Variants in KANSL1L observed in about 807,000 individuals in gnomAD.
KANSL1L encodes the protein KAT8 regulatory NSL complex subunit 1 like.
KANSL1L carries 25 observed loss-of-function variants against 108.6 expected under a neutral mutation model. The observed-to-expected ratio is 0.23, with a 90% CI of 0.17 to 0.32. The LOEUF (loss-of-function observed/expected upper bound fraction) is 0.32, where lower values mean the gene tolerates loss of function less well. KANSL1L is among the 10% of genes least tolerant of loss of function. KANSL1L has a pLI of 1.00. For missense variants in KANSL1L, 1,137 were observed against 1,125.7 expected (o/e 1.01, Z -0.14); for synonymous variants, 405 against 395.1 (o/e 1.03, Z -0.30).
At position 210,022,664 on chromosome 2, in the gene KANSL1L, C is replaced by A; in HGVS notation, c.*285G>T. 1 of 361,592 alleles carries A rather than the reference C, an allele frequency of 2.8e-6. No homozygotes were observed. The highest frequency in any genetic ancestry group is 5.1e-6 in the Non-Finnish European group (1 of 194,566). The allele number at this position is 361,592 out of a possible 1,614,324, so 22.4% of individuals were successfully genotyped here. On this transcript the variant is annotated 3_prime_UTR_variant, in exon 15 of 15. Transcript: ENST00000281772. ...GTGGGTACATAGTCTTAAAAATTAC[C>A]CAGTAATGTGATTTGACATCAAGTT...
intron 2 of KANSL1L, among the ~76,000 whole-genome samples, chr2:210,144,524 G>T (rs1268198337): frequency 1.3e-5 from 2 of 151,950 alleles, no homozygotes; most frequent in Non-Finnish European, 2.9e-5. Flanking sequence ...TCTCTGACTG[G>T]ATATTTTCAA....
At chr2:210,058,293 A>G (rs2539011) in intron 6 of KANSL1L, among the ~76,000 whole-genome samples, 149,468 of 152,148 alleles carry the variant, frequency 0.98, 73,479 homozygotes, top group Middle Eastern at 1. Flanking sequence ...GGAAATTCCC[A>G]CCTAATAAAT....
intron 5 of KANSL1L, among the ~76,000 whole-genome samples, chr2:210,084,894 GC>G (rs1273669070): frequency 2.0e-5 from 3 of 152,146 alleles, no homozygotes; most frequent in African/African-American, 7.2e-5. Flanking sequence ...ACAGGCATAA[GC>G]CACCATGCCC....
At chr2:210,109,705 T>C (rs1433740649) in intron 3 of KANSL1L, among the ~76,000 whole-genome samples, 1 of 152,140 alleles carries the variant, frequency 6.6e-6, no homozygotes, top group African/African-American at 2.4e-5. Context: ...CCCTAATTTG[T>C]GCTTCCTATT....
chr2:210,029,203 A>C (rs1559497639), intron 10 of KANSL1L: 3 of 375,484 alleles, frequency 8.0e-6, no homozygotes, highest in Non-Finnish European at 1.4e-5. Context: ...GTGTGCAAGC[A>C]TACAAGCTTA....
intron 6 of KANSL1L, among the ~76,000 whole-genome samples, chr2:210,048,906 CA>C (rs976176905): frequency 6.6e-6 from 1 of 152,100 alleles, no homozygotes; most frequent in Non-Finnish European, 1.5e-5. Flanking sequence ...AAAACAAAAA[CA>C]AAAACACTTG....
intron 6 of KANSL1L, among the ~76,000 whole-genome samples, chr2:210,061,833 A>G (rs2094423171): frequency 6.6e-6 from 1 of 152,252 alleles, no homozygotes; most frequent in East Asian, 1.9e-4. Context: ...AGAAAGAAAC[A>G]GTCTGAAAAA....
rs563654327 is a variant in KANSL1L at position 210,123,202 on chromosome 2, T to C, written c.1230+5829A>G. On this transcript the variant is annotated intron_variant, in intron 3 of 14. Transcript: ENST00000281772. ...CCTAGGCATATACCCAAAGAAAGGA[T>C]ATCAGTATATTGAACAGGTATCTGC... 7.9e-5 allele frequency among the ~76,000 whole-genome samples: 12 copies of C among 152,256 alleles called. No individual in the cohort carries two copies. In the South Asian group the frequency reaches 2.3e-3, roughly 29 times the overall value.
At chr2:210,134,096 C>A (rs534503968) in intron 2 of KANSL1L, among the ~76,000 whole-genome samples, 3 of 152,184 alleles carry the variant, frequency 2.0e-5, no homozygotes, top group African/African-American at 7.2e-5. Flanking sequence ...ATATATCATT[C>A]CATTTTTCTG....
chr2:210,093,754 AGGG>A (rs2094712535), intron 5 of KANSL1L, among the ~76,000 whole-genome samples: 1 of 152,202 alleles, frequency 6.6e-6, no homozygotes, highest in African/African-American at 2.4e-5. Context: ...AATTAAAAGC[AGGG>A]ACTCAAACAG....
At chr2:210,071,834 GT>G (rs1559533317) in intron 6 of KANSL1L, among the ~76,000 whole-genome samples, 1 of 151,852 alleles carries the variant, frequency 6.6e-6, no homozygotes, top group Non-Finnish European at 1.5e-5. Flanking sequence ...TACAGCGTTT[GT>G]TTTTGCTTTT....
chr2:210,059,835 G>T lies in KANSL1L; in HGVS notation c.1755+15717C>A, dbSNP rs1028167357. Among the ~76,000 whole-genome samples the T allele has an allele frequency of 2.0e-5, 3 of 151,714 alleles. No homozygotes were observed. In the South Asian group the frequency reaches 6.2e-4, roughly 31 times the overall value. On this transcript the variant is annotated intron_variant, in intron 6 of 14. Coordinates refer to ENST00000281772, the MANE Select transcript of KANSL1L (RefSeq NM_152519.4). Reference sequence around the variant, plus strand: ...CAGCTGACTGCAACCTCCACCTCCCGGGTTCAAGCGATTCTCCTGCCTCAG... The same window carrying T: ...CAGCTGACTGCAACCTCCACCTCCCTGGTTCAAGCGATTCTCCTGCCTCAG...
In KANSL1L at chr2:210,040,452, A is replaced by G. The variant is rs1186525101; in HGVS notation, c.1997T>C (p.Phe666Ser). 1.9e-6 allele frequency: 3 copies of G among 1,549,834 alleles called. No individual in the cohort carries two copies. Among genetic ancestry groups the G allele is most frequent in the East Asian group, 2.3e-5 (1 of 44,334 alleles). Residue 666 changes from phenylalanine to serine, a missense_variant, in exon 8 of 15, where the codon TTT (phenylalanine) becomes TCT (serine). Physicochemically the swap from Phe to Ser is radical, Grantham distance 155 (BLOSUM62 -2). Around this residue, in one of 3 missense-constraint regions of KANSL1L, gnomAD observed 575 missense variants for 567.1 expected, o/e 1.01. Coordinates refer to ENST00000281772, the MANE Select transcript of KANSL1L (RefSeq NM_152519.4). ...TGGAGATATGATATATTCATCTACA[A>G]ATTTATTTTCAGCAAGATTGCCTTT... Reference protein sequence around the residue: ...EIKGNLAENKFVDEYIISPSP... With the variant: ...EIKGNLAENKSVDEYIISPSP...
intron 5 of KANSL1L, among the ~76,000 whole-genome samples, chr2:210,090,680 T>C (rs2094685436): frequency 1.3e-5 from 2 of 152,004 alleles, no homozygotes; most frequent in Admixed American, 6.6e-5. Context: ...TACAGGTGTG[T>C]ACCACCATGC....
At position 210,079,704 on chromosome 2, in the gene KANSL1L, A is replaced by ATATATATATATGTATGTGTGTG. The variant is rs1559540015; in HGVS notation, c.1551-3949_1551-3948insCACACACATACATATATATATA. Reference sequence around the variant, plus strand: ...TATATATATATATGTATGTGTGTATATATATATATATATATATATATGGTT... The same window carrying ATATATATATATGTATGTGTGTG: ...TATATATATATATGTATGTGTGTATATATATATATATGTATGTGTGTGTATATATATATATATATATATGGTT... On this transcript the variant is annotated intron_variant, in intron 5 of 14. Coordinates refer to ENST00000281772, the MANE Select transcript of KANSL1L (RefSeq NM_152519.4). 3.0e-3 allele frequency: 262 copies of ATATATATATATGTATGTGTGTG among 86,306 alleles called. 23 individuals are homozygous for ATATATATATATGTATGTGTGTG. The highest frequency in any genetic ancestry group is 3.8e-3 in the Non-Finnish European group (171 of 45,472). 5.3% of individuals were successfully genotyped at this position (86,306 alleles called of 1,614,324 possible).
At chr2:210,117,053 A>G (rs2094961476) in intron 3 of KANSL1L, among the ~76,000 whole-genome samples, 1 of 152,184 alleles carries the variant, frequency 6.6e-6, no homozygotes, top group South Asian at 2.1e-4. Flanking sequence ...GAAACAGTTA[A>G]AAAGAAACAA....
chr2:210,130,372 A>G (rs369079642), intron 2 of KANSL1L, among the ~76,000 whole-genome samples: 13 of 152,334 alleles, frequency 8.5e-5, no homozygotes, highest in Admixed American at 3.3e-4. Flanking sequence ...ACCATAATGG[A>G]ATATCTTTCA....
rs1199297103 is a variant in KANSL1L at position 210,031,410 on chromosome 2, C to G, written c.2155+11G>C. 4 of 1,579,200 alleles carry G rather than the reference C, an allele frequency of 2.5e-6. No individual in the cohort carries two copies. Among genetic ancestry groups the G allele is most frequent in the Non-Finnish European group, 3.5e-6 (4 of 1,155,224 alleles). On this transcript the variant is annotated intron_variant, in intron 9 of 14. Transcript: ENST00000281772. ...TTTATCACTACTGCTTATATCCTCA[C>G]TTTAACCTACCTAATGCTGTTTCAC...
At chr2:210,164,120 T>C (rs1412457254) in intron 1 of KANSL1L, among the ~76,000 whole-genome samples, 2 of 152,140 alleles carry the variant, frequency 1.3e-5, no homozygotes, top group African/African-American at 4.8e-5. Context: ...AAAATTAAAT[T>C]TAATGTCATC....
Sources: allele counts gnomAD v4.1 joint callset (sites outside exome capture counted in the v4.1 genomes callset), GRCh38; gene constraint gnomAD v4.1.1; regional missense constraint gnomAD v4.1.1; transcripts MANE v1.5; gene names NCBI Gene and HGNC (gene_info 2026-07-23, HGNC 2026-07-21).